DIAPH2: variants seen among roughly 807,000 people sequenced by gnomAD.
DIAPH2 encodes diaphanous related formin 2, also known as protein diaphanous homolog 2.
DIAPH2 carries 35 observed loss-of-function variants against 92.7 expected under a neutral mutation model. That is an observed-to-expected ratio of 0.38 (90% CI 0.29 to 0.50). DIAPH2 has a LOEUF of 0.50. DIAPH2 is among the 20% of genes least tolerant of loss of function. The pLI is 0.94. For synonymous variants in DIAPH2, 301 were observed against 280.4 expected (o/e 1.07, Z -0.73); for missense variants, 701 against 819.5 (o/e 0.86, Z 1.77).
At position 97,601,097 on chromosome X, in the gene DIAPH2, A is replaced by G. The variant is rs2147891826; in HGVS notation, c.*1780A>G. 1 of 112,654 alleles carries G rather than the reference A, an allele frequency of 8.9e-6. No homozygotes were observed. Among genetic ancestry groups the G allele is most frequent in the African/African-American group, 3.2e-5 (1 of 31,082 alleles). 9.3% of individuals were successfully genotyped at this position (112,654 alleles called of 1,213,427 possible). The stretch of plus-strand genomic sequence containing the variant: ...ATAGCAGTAACACTGTTTTTTAACA[A>G]CAACAAAAGTTTAGGTTCTAATTTA... On this transcript the variant is annotated 3_prime_UTR_variant, in exon 27 of 27. Transcript: ENST00000324765.
intron 23 of DIAPH2, among the ~76,000 whole-genome samples, chrX:97,342,598 T>A (rs1274569879): frequency 8.9e-6 from 1 of 112,416 alleles, no homozygotes; most frequent in Non-Finnish European, 1.9e-5. Flanking sequence ...CTTTTGTTAC[T>A]GCTACTATTT....
intron 26 of DIAPH2, among the ~76,000 whole-genome samples, chrX:97,465,129 G>A (rs1747797848): frequency 9.0e-6 from 1 of 111,280 alleles, no homozygotes; most frequent in African/African-American, 3.3e-5. Context: ...TTACAGGCAT[G>A]AGCCACCGCG....
chrX:97,404,208 T>C (rs771525015), intron 25 of DIAPH2, among the ~76,000 whole-genome samples: 53 of 112,178 alleles, frequency 4.7e-4, no homozygotes, highest in African/African-American at 1.7e-3. Context: ...TGTACTTGTA[T>C]TCCTGGCAAG....
At chrX:97,491,631 G>C (rs1275174376) in intron 26 of DIAPH2, among the ~76,000 whole-genome samples, 2 of 111,060 alleles carry the variant, frequency 1.8e-5, no homozygotes, top group Non-Finnish European at 1.9e-5. Context: ...GGATGGTCTC[G>C]ATCTCCTGAC....
chrX:97,427,812 G>A (rs2070085934), intron 25 of DIAPH2, among the ~76,000 whole-genome samples: 1 of 109,961 alleles, frequency 9.1e-6, no homozygotes, highest in East Asian at 2.9e-4. Context: ...TCAGCCTCCC[G>A]AGTAGCTGGG....
At chrX:97,586,614 A>G (rs6620310) in intron 26 of DIAPH2, among the ~76,000 whole-genome samples, 47,719 of 110,610 alleles carry the variant, frequency 0.43, 8,141 homozygotes, top group Non-Finnish European at 0.55. Flanking sequence ...TTTTTACCTC[A>G]TATTTTCTCT....
intron 26 of DIAPH2, among the ~76,000 whole-genome samples, chrX:97,569,487 C>G (rs965885172): frequency 8.9e-6 from 1 of 111,752 alleles, no homozygotes; most frequent in African/African-American, 3.2e-5. Context: ...CTCCAAGGTG[C>G]TAGTCCACAT....
chrX:97,041,103 C>T (rs1473611925), intron 17 of DIAPH2, among the ~76,000 whole-genome samples: 11 of 111,176 alleles, frequency 9.9e-5, no homozygotes, highest in Non-Finnish European at 1.9e-4. Flanking sequence ...TCATTCCTTA[C>T]ATGGTTCATT....
At chrX:97,110,142 G>T (rs1321312653) in intron 20 of DIAPH2, among the ~76,000 whole-genome samples, 1 of 111,866 alleles carries the variant, frequency 8.9e-6, no homozygotes, top group Non-Finnish European at 1.9e-5. Flanking sequence ...GTCAGCTAAG[G>T]AGTGCTTTAA....
intron 25 of DIAPH2, among the ~76,000 whole-genome samples, chrX:97,391,926 A>G (rs774987532): frequency 1.8e-5 from 2 of 112,081 alleles, no homozygotes; most frequent in East Asian, 5.6e-4. Flanking sequence ...AGTTAAATCC[A>G]TAAAAAAATA....
intron 26 of DIAPH2, among the ~76,000 whole-genome samples, chrX:97,490,625 A>T (rs765348416): frequency 9.1e-6 from 1 of 109,464 alleles, no homozygotes; most frequent in Non-Finnish European, 1.9e-5. Flanking sequence ...GCATGTCTTA[A>T]GATATTTTCT....
chrX:97,595,590 C>T (rs996811058), intron 26 of DIAPH2, among the ~76,000 whole-genome samples: 2 of 109,875 alleles, frequency 1.8e-5, no homozygotes, highest in Non-Finnish European at 3.8e-5. Flanking sequence ...CTCTTTCTTT[C>T]TTTCTTTCTC....
intron 26 of DIAPH2, chrX:97,469,918 T>G: frequency 1.3e-6 from 1 of 785,217 alleles, no homozygotes; most frequent in Non-Finnish European, 1.7e-6. Context: ...AATACCGATT[T>G]CATGATGGTT....
At chrX:97,178,580 G>T (rs2067513707) in intron 22 of DIAPH2, among the ~76,000 whole-genome samples, 1 of 106,009 alleles carries the variant, frequency 9.4e-6, no homozygotes, top group Non-Finnish European at 1.9e-5. Context: ...AGCCTCCAGA[G>T]TAGCTAGGAT....
intron 22 of DIAPH2, among the ~76,000 whole-genome samples, chrX:97,172,581 A>C (rs1458468878): frequency 1.8e-5 from 2 of 112,187 alleles, no homozygotes; most frequent in East Asian, 5.5e-4. Flanking sequence ...ACACTTTCAC[A>C]TAGCCTCTGA....
At position 97,270,058 on chromosome X, in the gene DIAPH2, G is replaced by A. The variant is rs780368329; in HGVS notation, c.2844+22219G>A. The stretch of plus-strand genomic sequence containing the variant: ...CAATTCTCCTGCCTCAGCCTCCTGA[G>A]TAGCTGGCATTATAGGCACCCGCCA... On this transcript the variant is annotated intron_variant, in intron 23 of 26. Transcript: ENST00000324765. Among the ~76,000 whole-genome samples the A allele has an allele frequency of 3.3e-4, 37 of 111,279 alleles. 1 individual carries two copies. Among genetic ancestry groups the A allele is most frequent in the Non-Finnish European group, 5.3e-4 (28 of 53,052 alleles).
intron 17 of DIAPH2, among the ~76,000 whole-genome samples, chrX:97,013,568 A>G (rs988580676): frequency 8.9e-6 from 1 of 112,451 alleles, no homozygotes; most frequent in Non-Finnish European, 1.9e-5. Context: ...TGGTTTCCCA[A>G]GGAGGCTTCC....
intron 5 of DIAPH2, among the ~76,000 whole-genome samples, chrX:96,908,623 G>A (rs982812573): frequency 9.1e-6 from 1 of 109,954 alleles, no homozygotes; most frequent in Non-Finnish European, 1.9e-5. Flanking sequence ...TTTTGAGACC[G>A]AGTCTTGCTC....
intron 17 of DIAPH2, among the ~76,000 whole-genome samples, chrX:97,008,307 C>A (rs190576891): frequency 2.8e-4 from 31 of 109,712 alleles, no homozygotes; most frequent in Non-Finnish European, 5.5e-4. Flanking sequence ...TGCTGGGATT[C>A]CAAATTCCTT....
Sources: gnomAD v4.1 joint callset for allele counts (sites outside exome capture counted in the v4.1 genomes callset) on GRCh38, gnomAD v4.1.1 for gene constraint, MANE v1.5 for transcripts, NCBI Gene and HGNC (gene_info 2026-07-23, HGNC 2026-07-21) for gene names.